MAF: variants seen among roughly 807,000 people sequenced by gnomAD.
MAF encodes transcription factor Maf.
In MAF, 10 loss-of-function variants were observed where a neutral mutation model predicts 22.0. The observed-to-expected ratio is 0.45, with a 90% CI of 0.28 to 0.77. The LOEUF (loss-of-function observed/expected upper bound fraction) is 0.77, where lower values mean the gene tolerates loss of function less well. MAF is among the 30% of genes least tolerant of loss of function. The pLI is 0.12. For missense variants in MAF, 544 were observed against 548.4 expected (o/e 0.99, Z 0.08); for synonymous variants, 337 against 255.8 (o/e 1.32, Z -3.03).
At chr16:79,468,512 G>T in the MAF span, among the ~76,000 whole-genome samples, 1 of 152,212 alleles carries the variant, frequency 6.6e-6, no homozygotes, top group Non-Finnish European at 1.5e-5. Context: ...ATGTATTTTG[G>T]TGTCAGTGAA....
the MAF span, among the ~76,000 whole-genome samples, chr16:79,416,858 T>C: frequency 6.6e-6 from 1 of 152,138 alleles, no homozygotes; most frequent in Non-Finnish European, 1.5e-5. Context: ...GACAATGAAG[T>C]GTTATATAGT....
At chr16:79,206,346 T>C in the MAF span, 1 of 152,154 alleles carries the variant, frequency 6.6e-6, no homozygotes, top group African/African-American at 2.4e-5. Context: ...GGGGAGCAGG[T>C]TTCATGTACC....
chr16:79,504,654 T>C, the MAF span, among the ~76,000 whole-genome samples: 1 of 151,950 alleles, frequency 6.6e-6, no homozygotes, highest in East Asian at 1.9e-4. Context: ...AATAAATGAA[T>C]GGATGAATGT....
At chr16:79,553,241 A>G in the MAF span, among the ~76,000 whole-genome samples, 31,362 of 152,284 alleles carry the variant, frequency 0.21, 3,618 homozygotes, top group Non-Finnish European at 0.26. Flanking sequence ...CTCAAGGCAC[A>G]GCAACTCCAG....
the MAF span, among the ~76,000 whole-genome samples, chr16:79,579,956 A>G: frequency 6.6e-6 from 1 of 152,168 alleles, no homozygotes; most frequent in East Asian, 1.9e-4. Context: ...AGAAAATAAA[A>G]TTTCTCAGCA....
the MAF span, among the ~76,000 whole-genome samples, chr16:79,370,329 T>C: frequency 6.6e-6 from 1 of 152,206 alleles, no homozygotes; most frequent in South Asian, 2.1e-4. Flanking sequence ...CAAGCTGGTA[T>C]CATAGACCAA....
chr16:79,400,263 G>A, the MAF span, among the ~76,000 whole-genome samples: 1 of 152,330 alleles, frequency 6.6e-6, no homozygotes, highest in South Asian at 2.1e-4. Context: ...ACATCCCTTT[G>A]TGGCTTGGGG....
At chr16:79,243,334 A>T in the MAF span, among the ~76,000 whole-genome samples, 4 of 151,920 alleles carry the variant, frequency 2.6e-5, no homozygotes, top group Non-Finnish European at 4.4e-5. Flanking sequence ...AGATTAATTT[A>T]AAAAAGAGAG....
the MAF span, among the ~76,000 whole-genome samples, chr16:79,267,178 T>A: frequency 1.3e-5 from 2 of 152,218 alleles, no homozygotes; most frequent in African/African-American, 4.8e-5. Flanking sequence ...CAGGTCACCA[T>A]GGATCAGCGT....
At chr16:79,448,879 G>A in the MAF span, among the ~76,000 whole-genome samples, 1 of 152,244 alleles carries the variant, frequency 6.6e-6, no homozygotes, top group East Asian at 1.9e-4. Flanking sequence ...CCCAGACCTT[G>A]GGGGGAGGCA....
chr16:79,294,478 G>T, the MAF span, among the ~76,000 whole-genome samples: 1 of 152,200 alleles, frequency 6.6e-6, no homozygotes, highest in Admixed American at 6.5e-5. Flanking sequence ...AAGGTGGGAA[G>T]CTGGCTCAGA....
the MAF span, among the ~76,000 whole-genome samples, chr16:79,275,131 G>A: frequency 6.6e-6 from 1 of 152,074 alleles, no homozygotes; most frequent in Non-Finnish European, 1.5e-5. Flanking sequence ...TGAGGCAGGT[G>A]GATCACTTGA....
the MAF span, among the ~76,000 whole-genome samples, chr16:79,307,160 A>G: frequency 1.3e-5 from 2 of 152,192 alleles, no homozygotes; most frequent in African/African-American, 4.8e-5. Flanking sequence ...CCTCCCATAA[A>G]TCATTAACGG....
At chr16:79,501,261 C>A in the MAF span, among the ~76,000 whole-genome samples, 1 of 152,200 alleles carries the variant, frequency 6.6e-6, no homozygotes, top group Non-Finnish European at 1.5e-5. Context: ...TCCTTCTTTT[C>A]CCTCTGTATC....
chr16:79,502,707 A>AT, the MAF span, among the ~76,000 whole-genome samples: 4,381 of 22,264 alleles, frequency 0.2, 489 homozygotes, highest in Non-Finnish European at 0.31. Flanking sequence ...ATATAAATAT[A>AT]AATATATATA....
the MAF span, among the ~76,000 whole-genome samples, chr16:79,420,004 G>GTT: frequency 4.5e-4 from 67 of 148,718 alleles, no homozygotes; most frequent in South Asian, 8.6e-4. Flanking sequence ...GTAACACACG[G>GTT]TTTTTTTTTT....
At chr16:79,436,766 A>G in the MAF span, among the ~76,000 whole-genome samples, 1 of 152,112 alleles carries the variant, frequency 6.6e-6, no homozygotes, top group Non-Finnish European at 1.5e-5. Context: ...AGATGACGTG[A>G]TGCCCTCTTG....
the MAF span, among the ~76,000 whole-genome samples, chr16:79,580,292 T>C: frequency 4.6e-5 from 7 of 152,322 alleles, no homozygotes; most frequent in East Asian, 1.2e-3. Flanking sequence ...TTGTTGCCCT[T>C]AGACTAGGGT....
At chr16:79,446,126 A>C in the MAF span, among the ~76,000 whole-genome samples, 1 of 152,166 alleles carries the variant, frequency 6.6e-6, no homozygotes, top group Non-Finnish European at 1.5e-5. Context: ...AGGAGGAAGG[A>C]AAGGAGCTGT....
Sources: allele counts gnomAD v4.1 joint callset (sites outside exome capture counted in the v4.1 genomes callset), GRCh38; gene constraint gnomAD v4.1.1; transcripts MANE v1.5; gene names NCBI Gene and HGNC (gene_info 2026-07-23, HGNC 2026-07-21).